Variants in DLG2 observed in about 807,000 individuals in gnomAD.
DLG2 encodes discs large MAGUK scaffold protein 2.
A neutral mutation model predicts 132.5 loss-of-function variants in DLG2; 45 were observed. The observed-to-expected ratio is 0.34, with a 90% confidence interval of 0.27 to 0.44. The LOEUF (loss-of-function observed/expected upper bound fraction) is 0.44, where lower values mean the gene tolerates loss of function less well. Ranked by LOEUF, DLG2 falls within the 20% of genes least tolerant of loss-of-function variation. The pLI, the probability that DLG2 is intolerant of heterozygous loss-of-function variation, is 1.00. For synonymous variants in DLG2, 424 were observed against 419.6 expected (o/e 1.01, Z -0.13); for missense variants, 1,045 against 1,196.9 (o/e 0.87, Z 1.87).
rs188846982 is a variant in DLG2, at chr11:83,654,728, G to A, written c.1826-21403C>T. Among the ~76,000 whole-genome samples the A allele has an allele frequency of 1.6e-3, 241 of 152,314 alleles. 5 individuals are homozygous for A. Among genetic ancestry groups the A allele is most frequent in the Admixed American group, 0.012 (188 of 15,294 alleles). On this transcript the variant is annotated intron_variant, in intron 18 of 27. Transcript: ENST00000376104. ...AGTCTTGTATGAGCGACTTAAATAC[G>A]TCTATAGAAATGAAGTAATTTTATT...
At chr11:84,075,787 A>G (rs562646665) in intron 10 of DLG2, among the ~76,000 whole-genome samples, 10 of 152,306 alleles carry the variant, frequency 6.6e-5, no homozygotes, top group African/African-American at 2.4e-4. Flanking sequence ...TTCCTAGGGT[A>G]AATCATATTT....
At chr11:84,835,785 G>T (rs1250069977) in intron 6 of DLG2, among the ~76,000 whole-genome samples, 1 of 151,606 alleles carries the variant, frequency 6.6e-6, no homozygotes, top group Non-Finnish European at 1.5e-5. Flanking sequence ...ATATTTTAAT[G>T]CTATTTAATC....
At chr11:84,937,233 T>C (rs2048857953) in intron 6 of DLG2, among the ~76,000 whole-genome samples, 1 of 152,158 alleles carries the variant, frequency 6.6e-6, no homozygotes, top group South Asian at 2.1e-4. Context: ...ATCATAATCA[T>C]TTAATGAGCA....
intron 9 of DLG2, among the ~76,000 whole-genome samples, chr11:84,150,628 T>C (rs962406073): frequency 1.3e-5 from 2 of 152,168 alleles, no homozygotes; most frequent in African/African-American, 4.8e-5. Context: ...TTGATTCTTT[T>C]GGCTAGGACT....
chr11:83,893,232 A>G (rs1227896142), intron 15 of DLG2, among the ~76,000 whole-genome samples: 1 of 152,218 alleles, frequency 6.6e-6, no homozygotes, highest in Non-Finnish European at 1.5e-5. Context: ...CTTCTCACTG[A>G]CCAAGATTGT....
chr11:84,898,660 C>T (rs534907397), intron 6 of DLG2, among the ~76,000 whole-genome samples: 1 of 151,936 alleles, frequency 6.6e-6, no homozygotes, highest in South Asian at 2.1e-4. Context: ...CTTCCATTCC[C>T]AAGTATACCA....
chr11:84,690,453 GA>G lies in DLG2; in HGVS notation c.358-155723del, dbSNP rs918243528. On this transcript the variant is annotated intron_variant, in intron 6 of 27. Coordinates refer to ENST00000376104, the MANE Select transcript of DLG2 (RefSeq NM_001142699.3). ...ATTGTATTTAAAAATACTTAGATTG[GA>G]AAAAAAAAAGAAAAAGAAAAGTCAC... Among the ~76,000 whole-genome samples the G allele has an allele frequency of 1.1e-3, 158 of 144,256 alleles. 1 individual carries two copies. The highest frequency in any genetic ancestry group is 3.8e-3 in the African/African-American group (151 of 39,306). The allele number at this position is 144,256 out of a possible 152,430, so 94.6% of individuals were successfully genotyped here.
chr11:84,592,823 A>G (rs1207389036), intron 6 of DLG2, among the ~76,000 whole-genome samples: 1 of 150,844 alleles, frequency 6.6e-6, no homozygotes, highest in Non-Finnish European at 1.5e-5. Flanking sequence ...ACAGGCCAGT[A>G]ACAGGATTAC....
intron 16 of DLG2, among the ~76,000 whole-genome samples, chr11:83,857,826 T>G (rs149659798): frequency 5.3e-5 from 8 of 152,024 alleles, no homozygotes; most frequent in Admixed American, 2.6e-4. Context: ...TCTTTTTTTT[T>G]TTTTTACTAT....
At chr11:84,220,874 A>AG (rs5793115) in intron 8 of DLG2, among the ~76,000 whole-genome samples, 146,126 of 146,130 alleles carry the variant, frequency 1, 73,061 homozygotes, top group Middle Eastern at 1. Context: ...TTTCACCTCC[A>AG]GGCTCAAGCG....
chr11:85,201,318 G>A (rs1331058550), intron 4 of DLG2, among the ~76,000 whole-genome samples: 1 of 152,124 alleles, frequency 6.6e-6, no homozygotes, highest in Non-Finnish European at 1.5e-5. Context: ...AGCATCTCTG[G>A]AGAGGGCTGA....
At chr11:85,358,100 A>G (rs72951920) in intron 3 of DLG2, among the ~76,000 whole-genome samples, 4,139 of 152,238 alleles carry the variant, frequency 0.027, 96 homozygotes, top group East Asian at 0.095. Flanking sequence ...AACAAAAAAA[A>G]GAACAGAAGG....
chr11:83,885,462 C>G (rs1241155766), intron 15 of DLG2, among the ~76,000 whole-genome samples: 2 of 152,204 alleles, frequency 1.3e-5, no homozygotes, highest in Admixed American at 6.5e-5. Context: ...AAGACCAAAT[C>G]TACATCTGAT....
chr11:84,650,945 T>C (rs1242111748), intron 6 of DLG2, among the ~76,000 whole-genome samples: 1 of 144,890 alleles, frequency 6.9e-6, no homozygotes, highest in African/African-American at 2.5e-5. Flanking sequence ...ATGGTAAAAT[T>C]TCTGGAAATG....
intron 16 of DLG2, among the ~76,000 whole-genome samples, chr11:83,860,881 A>C (rs770072145): frequency 5.3e-5 from 8 of 152,106 alleles, no homozygotes; most frequent in Non-Finnish European, 1.0e-4. Context: ...AAGTCTCATG[A>C]GATCTGATGG....
Position 85,104,872 on chromosome 11 carries a change from C to CAAAAAA in DLG2, c.357+6783_357+6788dup, listed in dbSNP as rs56043190. Among the ~76,000 whole-genome samples, 60 of 56,044 alleles carry CAAAAAA rather than the reference C, an allele frequency of 1.1e-3. 4 individuals are homozygous for CAAAAAA. The highest frequency in any genetic ancestry group is 3.8e-3 in the African/African-American group (55 of 14,602). 36.8% of individuals were successfully genotyped at this position (56,044 alleles called of 152,430 possible). A position where few individuals can be genotyped will look rare whatever the true frequency, so the allele number is the denominator to read the frequency against. On this transcript the variant is annotated intron_variant, in intron 6 of 27. Coordinates refer to ENST00000376104, the MANE Select transcript of DLG2 (RefSeq NM_001142699.3). ...TTCTATTAGATCTTTGGCTGAATGG[C>CAAAAAA]AAAAAAAAAAAAAAAAAAAAAAAAA... is the stretch of plus-strand genomic sequence containing the variant.
intron 4 of DLG2, among the ~76,000 whole-genome samples, chr11:85,255,551 C>G (rs1284199094): frequency 6.6e-6 from 1 of 152,164 alleles, no homozygotes; most frequent in Non-Finnish European, 1.5e-5. Context: ...TTCAATTCTG[C>G]CACCCAATTA....
In DLG2 at chr11:84,747,219, G is replaced by C. The variant is rs568368760; in HGVS notation, c.358-212488C>G. Among the ~76,000 whole-genome samples the C allele has an allele frequency of 3.5e-4, 53 of 151,794 alleles. 2 individuals are homozygous for C. In the South Asian group the frequency reaches 0.011, roughly 31 times the overall value. On this transcript the variant is annotated intron_variant, in intron 6 of 27. Coordinates refer to ENST00000376104, the MANE Select transcript of DLG2 (RefSeq NM_001142699.3). ...AAAAAGCATTCCCCAAAGCTATAAA[G>C]GTATATGCAATTCCCTTTTTTAATT...
At chr11:84,839,249 G>A (rs4486653) in intron 6 of DLG2, among the ~76,000 whole-genome samples, 126,746 of 152,102 alleles carry the variant, frequency 0.83, 53,779 homozygotes, top group Middle Eastern at 0.96. Flanking sequence ...CACAATTGCT[G>A]CAAAGAGAAT....
Sources: allele counts gnomAD v4.1 joint callset (sites outside exome capture counted in the v4.1 genomes callset), GRCh38; gene constraint gnomAD v4.1.1; transcripts MANE v1.5; gene names NCBI Gene and HGNC (gene_info 2026-07-23, HGNC 2026-07-21).